The following SPPL2A variants were observed in gnomAD, a reference collection of about 807,000 sequenced individuals.
SPPL2A encodes signal peptide peptidase like 2A.
SPPL2A carries 51 observed loss-of-function variants against 63.8 expected under a neutral mutation model. The observed-to-expected ratio is 0.80, with a 90% CI of 0.64 to 1.01. SPPL2A has a LOEUF of 1.01. Ranked by LOEUF, SPPL2A falls within the 50% of genes least tolerant of loss-of-function variation. The probability of loss-of-function intolerance (pLI) is 0.00; values close to 1 mark genes in which losing one functional copy is unlikely to be tolerated. For missense variants in SPPL2A, 553 were observed against 622.7 expected, an observed-to-expected ratio of 0.89 and a Z score of 1.19; for synonymous variants, 188 against 205.8, an observed-to-expected ratio of 0.91 and a Z score of 0.74.
intron 1 of SPPL2A, among the ~76,000 whole-genome samples, chr15:50,763,403 C>T (rs1006861889): frequency 1.3e-5 from 2 of 152,074 alleles, no homozygotes; most frequent in African/African-American, 4.8e-5. Context: ...TAGCTGGTAT[C>T]GAAAAAAGAT....
intron 1 of SPPL2A, among the ~76,000 whole-genome samples, chr15:50,762,181 A>T (rs1335656680): frequency 6.6e-6 from 1 of 152,090 alleles, no homozygotes; most frequent in Admixed American, 6.5e-5. Context: ...CAGCCTGGGC[A>T]ACATGGTGAA....
chr15:50,759,704 C>T (rs556091221), intron 1 of SPPL2A, among the ~76,000 whole-genome samples: 1 of 151,376 alleles, frequency 6.6e-6, no homozygotes, highest in South Asian at 2.1e-4. Context: ...GATTGCGCCA[C>T]TGCACTCTAG....
intron 6 of SPPL2A, among the ~76,000 whole-genome samples, chr15:50,739,240 G>T (rs1458102486): frequency 6.8e-6 from 1 of 146,654 alleles, no homozygotes; most frequent in Non-Finnish European, 1.5e-5. Context: ...GTGCAATGGC[G>T]CAATGTCGGC....
intron 13 of SPPL2A, among the ~76,000 whole-genome samples, chr15:50,720,517 CTTTTT>C (rs750969318): frequency 6.6e-5 from 7 of 105,586 alleles, no homozygotes; most frequent in East Asian, 2.8e-4. Flanking sequence ...TTGAACTTTT[CTTTTT>C]TTTTTTTTTT....
intron 1 of SPPL2A, among the ~76,000 whole-genome samples, chr15:50,755,966 A>G (rs1328304760): frequency 6.6e-6 from 1 of 152,096 alleles, no homozygotes; most frequent in African/African-American, 2.4e-5. Context: ...CTGATGGTCA[A>G]TGGACCCCAC....
Position 50,703,899 on chromosome 15 carries a change from A to C in SPPL2A, c.*3901T>G, listed in dbSNP as rs910641590. ...AAATTGAAAGAGCAAAGAAAACTGG[A>C]AAGCTCATTTGTATTTATTATAAAT... On this transcript the variant is annotated 3_prime_UTR_variant, in exon 15 of 15. Transcript: ENST00000261854. The C allele has an allele frequency of 6.6e-6, 1 of 152,192 alleles. No individual in the cohort carries two copies. Among genetic ancestry groups the C allele is most frequent in the Non-Finnish European group, 1.5e-5 (1 of 68,040 alleles). The allele number at this position is 152,192 out of a possible 1,614,324, so 9.4% of individuals were successfully genotyped here.
intron 14 of SPPL2A, among the ~76,000 whole-genome samples, chr15:50,708,702 CA>C (rs201244377): frequency 0.015 from 1,936 of 128,674 alleles, 25 homozygotes; most frequent in African/African-American, 0.021. Flanking sequence ...GAGACTCTGT[CA>C]AAAAAAAAAA....
At position 50,765,558 on chromosome 15, in the gene SPPL2A, C is replaced by T; in HGVS notation, c.-25G>A. 2 of 1,450,538 alleles carry T rather than the reference C, an allele frequency of 1.4e-6. No homozygotes were observed. Among genetic ancestry groups the T allele is most frequent in the Non-Finnish European group, 1.8e-6 (2 of 1,106,286 alleles). 89.9% of individuals were successfully genotyped at this position (1,450,538 alleles called of 1,614,324 possible). A position where few individuals can be genotyped will look rare whatever the true frequency, so the allele number is the denominator to read the frequency against. ...TCGGACTGGTGGGTGCCGGGTGGGACGGCACGGTGCGGCGCAGCTCACTCG... is the reference window on the plus strand; with the variant it reads ...TCGGACTGGTGGGTGCCGGGTGGGATGGCACGGTGCGGCGCAGCTCACTCG... On this transcript the variant is annotated 5_prime_UTR_variant, in exon 1 of 15. Transcript: ENST00000261854.
intron 1 of SPPL2A, among the ~76,000 whole-genome samples, chr15:50,761,345 G>A (rs536547271): frequency 2.0e-5 from 3 of 152,262 alleles, no homozygotes; most frequent in Non-Finnish European, 2.9e-5. Flanking sequence ...TGCCGGGCAC[G>A]GTGGCTCACA....
At chr15:50,708,805 G>C (rs2062534372) in intron 14 of SPPL2A, among the ~76,000 whole-genome samples, 2 of 151,902 alleles carry the variant, frequency 1.3e-5, no homozygotes, top group African/African-American at 4.8e-5. Flanking sequence ...AGGCCGAAGT[G>C]GGTGGATCAC....
At chr15:50,737,892 T>A (rs912042172) in intron 6 of SPPL2A, among the ~76,000 whole-genome samples, 30 of 152,024 alleles carry the variant, frequency 2.0e-4, no homozygotes, top group African/African-American at 6.5e-4. Flanking sequence ...GCCAACATGG[T>A]GAAACCCTGT....
intron 14 of SPPL2A, among the ~76,000 whole-genome samples, chr15:50,715,157 C>G (rs537792051): frequency 2.4e-4 from 37 of 152,146 alleles, no homozygotes; most frequent in Admixed American, 5.2e-4. Context: ...TCATGCCAGG[C>G]TACTTTTTTC....
At chr15:50,725,935 C>T (rs1009708202) in intron 11 of SPPL2A, 6 of 368,856 alleles carry the variant, frequency 1.6e-5, no homozygotes, top group Non-Finnish European at 3.0e-5. Context: ...AAGGATAGAA[C>T]TCAGGCCTTG....
At chr15:50,719,646 T>G (rs1399124954) in intron 14 of SPPL2A, among the ~76,000 whole-genome samples, 2 of 152,196 alleles carry the variant, frequency 1.3e-5, no homozygotes, top group African/African-American at 4.8e-5. Flanking sequence ...ATTTTATCTT[T>G]CATGAAGTCT....
At chr15:50,739,632 G>C in intron 6 of SPPL2A, 48 bp downstream of exon 6, 1 of 1,327,040 alleles carries the variant, frequency 7.5e-7, no homozygotes, top group African/African-American at 1.5e-5. Context: ...AATAGTCAGT[G>C]AAAAGAATGT....
At chr15:50,725,412 T>G in intron 11 of SPPL2A, 89 bp from the exon 12 acceptor site, 1 of 735,878 alleles carries the variant, frequency 1.4e-6, no homozygotes, top group Non-Finnish European at 2.4e-6. Flanking sequence ...TTTACTCATA[T>G]CTTTTATTTA....
At chr15:50,759,164 G>A (rs924822243) in intron 1 of SPPL2A, among the ~76,000 whole-genome samples, 3 of 152,008 alleles carry the variant, frequency 2.0e-5, no homozygotes, top group Non-Finnish European at 4.4e-5. Context: ...TCAGCCTCCC[G>A]AAGTGCTGGT....
At chr15:50,763,461 T>TTACATCCCATATAA (rs1249411552) in intron 1 of SPPL2A, among the ~76,000 whole-genome samples, 1 of 152,192 alleles carries the variant, frequency 6.6e-6, no homozygotes, top group Non-Finnish European at 1.5e-5. Flanking sequence ...CATCAGGACA[T>TTACATCCCATATAA]TACATCCCAT....
chr15:50,707,855 C>T lies in SPPL2A; in HGVS notation c.1508G>A (p.Cys503Tyr), dbSNP rs2141014944. ...CACAGGGTTTTCTTCATTTGTTGCACAATCCAAATGGTCCATCATCTAGGC... is the reference window on the plus strand; with the variant it reads ...CACAGGGTTTTCTTCATTTGTTGCATAATCCAAATGGTCCATCATCTAGGC... ...NSYQMMDHLD[C>Y]ATNEENPVIS... The change falls in exon 15 of 15, where the codon TGT becomes TAT. Residue 503 changes from cysteine (C) to tyrosine (Y), a missense_variant. Physicochemically the swap from Cys to Tyr is radical, Grantham distance 194. Coordinates refer to ENST00000261854, the MANE Select transcript of SPPL2A (RefSeq NM_032802.4). 1 of 1,594,278 alleles carries T rather than the reference C, an allele frequency of 6.3e-7. No individual in the cohort carries two copies. The highest frequency in any genetic ancestry group is 1.1e-5 in the South Asian group (1 of 90,668).
Sources: allele counts gnomAD v4.1 joint callset (sites outside exome capture counted in the v4.1 genomes callset), GRCh38; gene constraint gnomAD v4.1.1; transcripts MANE v1.5; gene names NCBI Gene and HGNC (gene_info 2026-07-23, HGNC 2026-07-21).